RAB3B: variants seen among roughly 807,000 people sequenced by gnomAD.
The protein encoded by RAB3B is RAB3B, member RAS oncogene family.
RAB3B carries 11 observed loss-of-function variants against 20.5 expected under a neutral mutation model. That is an observed-to-expected ratio of 0.54 (90% CI 0.34 to 0.89). The LOEUF is 0.89. RAB3B is among the 40% of genes least tolerant of loss of function. The probability of loss-of-function intolerance (pLI) is 0.02; values close to 1 mark genes in which losing one functional copy is unlikely to be tolerated. For missense variants in RAB3B, 225 were observed against 280.9 expected (o/e 0.80, Z 1.42); for synonymous variants, 99 against 106.3 (o/e 0.93, Z 0.42).
chr1:51,920,140 G>A lies in RAB3B; in HGVS notation c.473-26C>T, dbSNP rs747170660. 4.4e-6 allele frequency: 7 copies of A among 1,580,340 alleles called. No individual in the cohort carries two copies. In the South Asian group the frequency reaches 8.1e-5, roughly 18 times the overall value. ...CTGGAAAGAGGAGAGATACAGATAA[G>A]GACTTTTCCCATCCCTTCTGCTGGA... On this transcript the variant is annotated intron_variant, in intron 4 of 4. Transcript: ENST00000371655.
At chr1:51,923,563 A>G (rs1255941678) in intron 4 of RAB3B, among the ~76,000 whole-genome samples, 11 of 152,092 alleles carry the variant, frequency 7.2e-5, no homozygotes, top group Non-Finnish European at 1.6e-4. Context: ...TAAAAATACA[A>G]AAATTAACCG....
rs536269175 is a variant in RAB3B, at chr1:51,939,560, C to G, written c.229-2148G>C. On this transcript the variant is annotated intron_variant, in intron 2 of 4. Coordinates refer to ENST00000371655, the MANE Select transcript of RAB3B (RefSeq NM_002867.4). ...ACCTCAGCCTGCAGAATAGCTAGGA[C>G]TACAGGCGCTCGCCAGTGTACCCAG... is the stretch of plus-strand genomic sequence containing the variant. Among the ~76,000 whole-genome samples, 14 of 152,240 alleles carry G rather than the reference C, an allele frequency of 9.2e-5. No homozygotes were observed. The South Asian group carries it at 2.7e-3, about 29-fold the overall frequency.
intron 1 of RAB3B, among the ~76,000 whole-genome samples, chr1:51,977,447 G>T (rs760948481): frequency 6.6e-6 from 1 of 152,186 alleles, no homozygotes; most frequent in Non-Finnish European, 1.5e-5. Flanking sequence ...AGAATAAAAG[G>T]TGGGTCAACA....
intron 2 of RAB3B, among the ~76,000 whole-genome samples, chr1:51,974,632 AG>A (rs1227211966): frequency 1.3e-5 from 2 of 152,218 alleles, no homozygotes. Context: ...ATAATACCTC[AG>A]ATGCACAGTG....
intron 1 of RAB3B, among the ~76,000 whole-genome samples, chr1:51,983,100 TC>T (rs1270256899): frequency 6.6e-6 from 1 of 152,000 alleles, no homozygotes; most frequent in African/African-American, 2.4e-5. Context: ...ACACCTGTAA[TC>T]CCAGCACTTT....
At chr1:51,957,371 T>C (rs2809947) in intron 2 of RAB3B, among the ~76,000 whole-genome samples, 135,904 of 152,198 alleles carry the variant, frequency 0.89, 61,534 homozygotes, top group East Asian at 1. Flanking sequence ...ATTTTAGTGT[T>C]CCTTCAGCAC....
At chr1:51,931,134 G>A (rs538528604) in intron 4 of RAB3B, among the ~76,000 whole-genome samples, 7 of 152,100 alleles carry the variant, frequency 4.6e-5, no homozygotes, top group African/African-American at 9.6e-5. Flanking sequence ...TTCCAGTGGC[G>A]TGAGTCCCCT....
At position 51,980,765 on chromosome 1, in the gene RAB3B, C is replaced by A. The variant is rs984082773; in HGVS notation, c.1-3648G>T. On this transcript the variant is annotated intron_variant, in intron 1 of 4. Transcript: ENST00000371655. The stretch of plus-strand genomic sequence containing the variant: ...GAAGCCCGCAAGGACCAAACACCCC[C>A]ACCCTGATTTAGACCTGTAGGTGCT... The A allele has an allele frequency of 4.4e-5, 33 of 754,352 alleles. No homozygotes were observed. The Admixed American group carries it at 4.8e-4, about 11-fold the overall frequency. 46.7% of individuals were successfully genotyped at this position (754,352 alleles called of 1,614,324 possible).
chr1:51,984,060 C>A (rs529605005), intron 1 of RAB3B, among the ~76,000 whole-genome samples: 8 of 150,902 alleles, frequency 5.3e-5, no homozygotes, highest in Middle Eastern at 3.5e-3. Context: ...GTCAGGAGTT[C>A]GAGACCAGTC....
chr1:51,921,836 ATCT>A (rs1166871796), intron 4 of RAB3B, among the ~76,000 whole-genome samples: 5 of 151,992 alleles, frequency 3.3e-5, no homozygotes, highest in African/African-American at 1.2e-4. Flanking sequence ...CTCTTTTATC[ATCT>A]TCTCTAACAA....
chr1:51,965,511 G>T (rs1334222171), intron 2 of RAB3B, among the ~76,000 whole-genome samples: 1 of 152,040 alleles, frequency 6.6e-6, no homozygotes, highest in Non-Finnish European at 1.5e-5. Flanking sequence ...GCCGGGTGCG[G>T]TGGGGGGCAC....
At chr1:51,930,051 C>T (rs1684301281) in intron 4 of RAB3B, among the ~76,000 whole-genome samples, 1 of 152,176 alleles carries the variant, frequency 6.6e-6, no homozygotes, top group South Asian at 2.1e-4. Context: ...TTCTGGTGAT[C>T]AATAGCAGAA....
intron 4 of RAB3B, among the ~76,000 whole-genome samples, chr1:51,931,407 A>G (rs1048335315): frequency 6.6e-6 from 1 of 152,154 alleles, no homozygotes; most frequent in African/African-American, 2.4e-5. Context: ...CTGTTACTGT[A>G]GGCTTTCTCA....
chr1:51,956,064 G>A (rs993461318), intron 2 of RAB3B, among the ~76,000 whole-genome samples: 3 of 152,150 alleles, frequency 2.0e-5, no homozygotes, highest in African/African-American at 7.2e-5. Flanking sequence ...GAATGGCAAG[G>A]GAGCCACACA....
intron 2 of RAB3B, among the ~76,000 whole-genome samples, chr1:51,953,282 A>T (rs1400096590): frequency 1.3e-5 from 2 of 152,180 alleles, no homozygotes; most frequent in Non-Finnish European, 2.9e-5. Context: ...TTCATATGCC[A>T]CCTGCTGTAC....
rs145020328 is a variant in RAB3B, at chr1:51,983,953, C to G, written c.-1+6599G>C. Among the ~76,000 whole-genome samples the G allele has an allele frequency of 4.9e-3, 742 of 151,764 alleles. 12 individuals carry two copies. The South Asian group carries it at 0.057, about 12-fold the overall frequency. ...CCAGTCTGGGTGACAGAGCAAGACA[C>G]TGTCTCAAAAAAAAAGAAAAGAAAG... On this transcript the variant is annotated intron_variant, in intron 1 of 4. Coordinates refer to ENST00000371655, the MANE Select transcript of RAB3B (RefSeq NM_002867.4).
At position 51,912,796 on chromosome 1, in the gene RAB3B, G is replaced by A. The variant is rs1684024863; in HGVS notation, c.*7131C>T. The A allele has an allele frequency of 6.6e-6, 1 of 151,672 alleles. No homozygotes were observed. The highest frequency in any genetic ancestry group is 2.1e-4 in the South Asian group (1 of 4,806). 9.4% of individuals were successfully genotyped at this position (151,672 alleles called of 1,614,324 possible). On this transcript the variant is annotated 3_prime_UTR_variant, in exon 5 of 5. Transcript: ENST00000371655. Reference sequence around the variant, plus strand: ...AGTAAAACCCTAGGATCTGCTGCTAGATTAGACAAGGAGGCTGAGAAAAAG... The same window carrying A: ...AGTAAAACCCTAGGATCTGCTGCTAAATTAGACAAGGAGGCTGAGAAAAAG...
chr1:51,981,689 GTCAA>G (rs1685090346), intron 1 of RAB3B, among the ~76,000 whole-genome samples: 1 of 141,438 alleles, frequency 7.1e-6, no homozygotes, highest in African/African-American at 2.6e-5. Context: ...CAACATTTCA[GTCAA>G]TGACAGACCA....
chr1:51,955,704 G>A (rs1247681854), intron 2 of RAB3B, among the ~76,000 whole-genome samples: 1 of 151,964 alleles, frequency 6.6e-6, no homozygotes, highest in East Asian at 1.9e-4. Flanking sequence ...CTGGCCCCAG[G>A]GACCTATTTC....
Sources: allele counts gnomAD v4.1 joint callset (sites outside exome capture counted in the v4.1 genomes callset), GRCh38; gene constraint gnomAD v4.1.1; transcripts MANE v1.5; gene names NCBI Gene and HGNC (gene_info 2026-07-23, HGNC 2026-07-21).